The following YWHAQ variants were observed in gnomAD, a reference collection of about 807,000 sequenced individuals.
YWHAQ encodes the protein 14-3-3 protein theta.
YWHAQ carries 6 observed loss-of-function variants against 28.3 expected under a neutral mutation model. That is an observed-to-expected ratio of 0.21 (90% confidence interval 0.12 to 0.42). The LOEUF (loss-of-function observed/expected upper bound fraction) is 0.42, where lower values mean the gene tolerates loss of function less well. Ranked by LOEUF, YWHAQ falls within the 10% of genes least tolerant of loss-of-function variation. The pLI, the probability that YWHAQ is intolerant of heterozygous loss-of-function variation, is 1.00. For missense variants in YWHAQ, 201 were observed against 305.6 expected (o/e 0.66, Z 2.55); for synonymous variants, 143 against 119.1 (o/e 1.20, Z -1.31).
In YWHAQ at chr2:9,630,095, G is replaced by A. The variant is rs1667331135; in HGVS notation, c.294+64C>T. The A allele has an allele frequency of 1.3e-6, 2 of 1,554,696 alleles. No homozygotes were observed. The highest frequency in any genetic ancestry group is 8.7e-7 in the Non-Finnish European group (1 of 1,146,740). ...CCGGCTCACGTTTGTTTCCGTGCCCGCGAAACTCTCAATGAAAAGCATCTC... is the reference window on the plus strand; with the variant it reads ...CCGGCTCACGTTTGTTTCCGTGCCCACGAAACTCTCAATGAAAAGCATCTC... On this transcript the variant is annotated intron_variant, in intron 2 of 5. Coordinates refer to ENST00000238081, the MANE Select transcript of YWHAQ (RefSeq NM_006826.4). This position sits in a 1 kb window ranked among gnomAD's most constrained non-coding sequence, Gnocchi z 5.6.
At chr2:9,589,352 G>A (rs1343554484) in intron 3 of YWHAQ, among the ~76,000 whole-genome samples, 1 of 152,158 alleles carries the variant, frequency 6.6e-6, no homozygotes, top group Non-Finnish European at 1.5e-5. Flanking sequence ...GGGAGGCTGA[G>A]GCAGGCAGAT....
At chr2:9,606,435 A>G (rs1193648948) in intron 2 of YWHAQ, among the ~76,000 whole-genome samples, 1 of 136,866 alleles carries the variant, frequency 7.3e-6, no homozygotes, top group Non-Finnish European at 1.6e-5. Flanking sequence ...ATAAAAATAA[A>G]AAACCTTTTC....
intron 2 of YWHAQ, among the ~76,000 whole-genome samples, chr2:9,611,676 ACT>A (rs1666950394): frequency 6.6e-6 from 1 of 151,418 alleles, no homozygotes; most frequent in African/African-American, 2.4e-5. Flanking sequence ...CTGTTTCTAT[ACT>A]CTTTTTTTGA....
intron 2 of YWHAQ, among the ~76,000 whole-genome samples, chr2:9,593,923 TAC>T (rs1553372602): frequency 0.013 from 1,729 of 135,048 alleles, 31 homozygotes; most frequent in African/African-American, 0.041. Context: ...TATATATATA[TAC>T]ACACACACAC....
intron 2 of YWHAQ, chr2:9,615,402 T>C (rs969216767): frequency 9.8e-6 from 1 of 101,534 alleles, no homozygotes; most frequent in East Asian, 2.6e-4. Flanking sequence ...CAGAAAATAA[T>C]AAAAAGAAAA....
At position 9,590,493 on chromosome 2, in the gene YWHAQ, AAAC is replaced by A. The variant is rs1313173159; in HGVS notation, c.418+896_418+898del. On this transcript the variant is annotated intron_variant, in intron 3 of 5. Coordinates refer to ENST00000238081, the MANE Select transcript of YWHAQ (RefSeq NM_006826.4). ...TGTAGACAGGGCAAAATTAAGAACA[AAAC>A]AACAAACTTACTGGAAAAAATAAGG... Among the ~76,000 whole-genome samples the A allele has an allele frequency of 3.3e-5, 5 of 152,166 alleles. No individual in the cohort carries two copies. The East Asian group carries it at 5.8e-4, about 18-fold the overall frequency.
At chr2:9,623,620 A>T (rs1041353857) in intron 2 of YWHAQ, among the ~76,000 whole-genome samples, 1 of 152,078 alleles carries the variant, frequency 6.6e-6, no homozygotes, top group Non-Finnish European at 1.5e-5. Context: ...CTAAAAATAC[A>T]AAATTAGCCG....
At chr2:9,590,463 A>G (rs1184669933) in intron 3 of YWHAQ, among the ~76,000 whole-genome samples, 1 of 152,208 alleles carries the variant, frequency 6.6e-6, no homozygotes, top group South Asian at 2.1e-4. Flanking sequence ...GTAGGGGTAT[A>G]TCTTTGTAGA....
intron 2 of YWHAQ, among the ~76,000 whole-genome samples, chr2:9,598,013 T>TTTTTTTTTTTA (rs1666612979): frequency 1.5e-5 from 2 of 134,898 alleles, no homozygotes; most frequent in African/African-American, 5.7e-5. Context: ...TTTTTTTTTT[T>TTTTTTTTTTTA]AGTAGAGACA....
At chr2:9,627,611 C>A (rs534170581) in intron 2 of YWHAQ, among the ~76,000 whole-genome samples, 3 of 152,284 alleles carry the variant, frequency 2.0e-5, no homozygotes, top group Admixed American at 2.0e-4. Flanking sequence ...ATGAGGACTG[C>A]TTGAGGCCAG....
intron 2 of YWHAQ, among the ~76,000 whole-genome samples, chr2:9,605,055 T>C (rs574924432): frequency 6.6e-6 from 1 of 152,312 alleles, no homozygotes; most frequent in South Asian, 2.1e-4. Context: ...ATTTTATTTA[T>C]TTTGATCAAA....
intron 2 of YWHAQ, among the ~76,000 whole-genome samples, chr2:9,597,140 C>T (rs1666588387): frequency 6.6e-6 from 1 of 152,118 alleles, no homozygotes; most frequent in Non-Finnish European, 1.5e-5. Context: ...ATCTAAAGGT[C>T]TCTGGTCTCA....
At chr2:9,609,387 A>C (rs952209504) in intron 2 of YWHAQ, among the ~76,000 whole-genome samples, 6 of 152,216 alleles carry the variant, frequency 3.9e-5, no homozygotes, top group Non-Finnish European at 8.8e-5. Context: ...CAGAATACAG[A>C]ATAAAGAATA....
intron 2 of YWHAQ, among the ~76,000 whole-genome samples, chr2:9,611,961 G>A (rs35581018): frequency 0.16 from 24,422 of 152,148 alleles, 2,516 homozygotes; most frequent in Middle Eastern, 0.25. Flanking sequence ...GAGCCACTGC[G>A]CCCATCCCTG....
At chr2:9,617,859 T>C (rs1667065599) in intron 2 of YWHAQ, among the ~76,000 whole-genome samples, 1 of 151,090 alleles carries the variant, frequency 6.6e-6, no homozygotes, top group Non-Finnish European at 1.5e-5. Flanking sequence ...CCCAGGAGTT[T>C]GAGGATGCAG....
At chr2:9,625,261 CAA>C (rs74914593) in intron 2 of YWHAQ, among the ~76,000 whole-genome samples, 4 of 101,096 alleles carry the variant, frequency 4.0e-5, no homozygotes, top group South Asian at 3.1e-4. Context: ...GACTCCATCA[CAA>C]AAAAAAAAAA....
At chr2:9,607,280 A>G (rs1666849786) in intron 2 of YWHAQ, among the ~76,000 whole-genome samples, 2 of 147,170 alleles carry the variant, frequency 1.4e-5, no homozygotes, top group South Asian at 4.3e-4. Context: ...GGCTCACTGC[A>G]ACGTCCACCT....
At chr2:9,606,989 A>G (rs1487818377) in intron 2 of YWHAQ, among the ~76,000 whole-genome samples, 1 of 150,662 alleles carries the variant, frequency 6.6e-6, no homozygotes, top group Non-Finnish European at 1.5e-5. Context: ...GGTTCAAGCG[A>G]TTCTCCCGCC....
chr2:9,626,546 G>C (rs142373688), intron 2 of YWHAQ, among the ~76,000 whole-genome samples: 1 of 152,112 alleles, frequency 6.6e-6, no homozygotes, highest in Admixed American at 6.5e-5. Flanking sequence ...CTCCTGCCTC[G>C]GCCTCCCGAG....
Sources: allele counts gnomAD v4.1 joint callset (sites outside exome capture counted in the v4.1 genomes callset), GRCh38; gene constraint gnomAD v4.1.1; non-coding constraint Gnocchi (gnomAD v3.1); transcripts MANE v1.5; gene names NCBI Gene and HGNC (gene_info 2026-07-23, HGNC 2026-07-21).